The following AGPAT3 variants were observed in gnomAD, a reference collection of about 807,000 sequenced individuals.
AGPAT3 encodes the protein 1-acyl-sn-glycerol-3-phosphate acyltransferase gamma.
In AGPAT3, 5 loss-of-function variants were observed where a neutral mutation model predicts 47.3. That is an observed-to-expected ratio of 0.11 (90% CI 0.06 to 0.22). AGPAT3 has a LOEUF of 0.22. AGPAT3 is among the 10% of genes least tolerant of loss of function. The probability of loss-of-function intolerance (pLI) is 1.00; values close to 1 mark genes in which losing one functional copy is unlikely to be tolerated. For missense variants in AGPAT3, 315 were observed against 493.0 expected (o/e 0.64, Z 3.42); for synonymous variants, 212 against 208.3 (o/e 1.02, Z -0.15).
At chr21:43,953,423 C>T (rs2838448) in intron 2 of AGPAT3, among the ~76,000 whole-genome samples, 6,122 of 152,188 alleles carry the variant, frequency 0.04, 334 homozygotes, top group African/African-American at 0.12. Context: ...GAGGGAGTGC[C>T]GTGACGTAGC....
At chr21:43,929,372 G>A (rs1042082546) in intron 2 of AGPAT3, among the ~76,000 whole-genome samples, 2 of 152,194 alleles carry the variant, frequency 1.3e-5, no homozygotes, top group Admixed American at 6.5e-5. Context: ...TCTGTCAGCC[G>A]CTCCCTGCCA....
chr21:43,886,782 C>A (rs2085988343), intron 1 of AGPAT3, among the ~76,000 whole-genome samples: 1 of 152,172 alleles, frequency 6.6e-6, no homozygotes, highest in South Asian at 2.1e-4. Context: ...GAACCTCATT[C>A]TTTTTTATGG....
intron 2 of AGPAT3, among the ~76,000 whole-genome samples, chr21:43,909,372 C>T (rs866580089): frequency 5.9e-5 from 9 of 151,326 alleles, no homozygotes; most frequent in Non-Finnish European, 8.8e-5. Context: ...CTCGGCTCAC[C>T]GCAAGCTCCG....
intron 1 of AGPAT3, among the ~76,000 whole-genome samples, chr21:43,899,464 G>A (rs1305299295): frequency 2.0e-5 from 3 of 152,158 alleles, no homozygotes; most frequent in Non-Finnish European, 4.4e-5. Context: ...TCACAGATCC[G>A]GCCGGGGATG....
At chr21:43,897,736 G>C (rs1291289248) in intron 1 of AGPAT3, among the ~76,000 whole-genome samples, 1 of 151,994 alleles carries the variant, frequency 6.6e-6, no homozygotes, top group Non-Finnish European at 1.5e-5. Flanking sequence ...TCCTAGACGG[G>C]GTGGCAGCCG....
chr21:43,960,377 G>T (rs1374411464), intron 3 of AGPAT3, among the ~76,000 whole-genome samples: 1 of 152,246 alleles, frequency 6.6e-6, no homozygotes, highest in African/African-American at 2.4e-5. Flanking sequence ...CTGTCATGTG[G>T]ACAGAGACTC....
intron 1 of AGPAT3, among the ~76,000 whole-genome samples, chr21:43,898,979 G>A (rs1167401984): frequency 6.6e-6 from 1 of 152,106 alleles, no homozygotes; most frequent in Non-Finnish European, 1.5e-5. Context: ...GCCTCCCAAA[G>A]TGTTTGGATT....
chr21:43,899,654 C>T (rs1023563615), intron 1 of AGPAT3, among the ~76,000 whole-genome samples: 1 of 152,222 alleles, frequency 6.6e-6, no homozygotes, highest in Non-Finnish European at 1.5e-5. Context: ...CTCTTGCCTT[C>T]CTGCCCTGAG....
rs2087300695 is a variant in AGPAT3 at position 43,932,856 on chromosome 21, G to T, written c.-48-26778G>T. 6.6e-6 allele frequency among the ~76,000 whole-genome samples: 1 copy of T among 152,162 alleles called. No individual in the cohort carries two copies. Among genetic ancestry groups the T allele is most frequent in the African/African-American group, 2.4e-5 (1 of 41,436 alleles). On this transcript the variant is annotated intron_variant, in intron 2 of 9. Transcript: ENST00000291572. This position sits in a 1 kb window ranked among gnomAD's most constrained non-coding sequence, Gnocchi z 5.2. ...GTAGAGATGGGGTTTCACCATGTTG[G>T]CCAGACTGGTCTCGAACTCCTGACC...
intron 8 of AGPAT3, among the ~76,000 whole-genome samples, chr21:43,979,047 C>T (rs1033649898): frequency 6.6e-6 from 1 of 152,102 alleles, no homozygotes; most frequent in African/African-American, 2.4e-5. Flanking sequence ...CCTGTAATCC[C>T]AGCACTTTGG....
chr21:43,881,344 G>C (rs2085850038), intron 1 of AGPAT3, among the ~76,000 whole-genome samples: 1 of 152,192 alleles, frequency 6.6e-6, no homozygotes, highest in Non-Finnish European at 1.5e-5. Flanking sequence ...GAAGGCAAAG[G>C]GTTGGTGAAG....
intron 2 of AGPAT3, among the ~76,000 whole-genome samples, chr21:43,946,515 A>G (rs910797846): frequency 1.3e-5 from 2 of 151,748 alleles, no homozygotes; most frequent in Non-Finnish European, 2.9e-5. Context: ...CAGGAGAATC[A>G]CTTGAATCCA....
intron 2 of AGPAT3, among the ~76,000 whole-genome samples, chr21:43,905,148 A>T (rs7283012): frequency 0.77 from 116,015 of 150,490 alleles, 44,785 homozygotes; most frequent in South Asian, 0.87. Context: ...CTCTTTTTTT[A>T]AAAAAAATAT....
At chr21:43,957,586 A>G (rs1172042423) in intron 2 of AGPAT3, among the ~76,000 whole-genome samples, 1 of 123,240 alleles carries the variant, frequency 8.1e-6, no homozygotes, top group Non-Finnish European at 1.6e-5. Flanking sequence ...CCCCCTCCAC[A>G]CGGGGTTTCC....
At chr21:43,957,069 T>C (rs2088505478) in intron 2 of AGPAT3, among the ~76,000 whole-genome samples, 1 of 152,158 alleles carries the variant, frequency 6.6e-6, no homozygotes, top group Non-Finnish European at 1.5e-5. Context: ...AAGGGCCCAG[T>C]GTCTGGGAGA....
rs548036076 is a variant in AGPAT3 at position 43,895,309 on chromosome 21, A to G, written c.-111-8648A>G. Among the ~76,000 whole-genome samples, 27 of 151,942 alleles carry G rather than the reference A, an allele frequency of 1.8e-4. No homozygotes were observed. The South Asian group carries it at 5.4e-3, about 30-fold the overall frequency. On this transcript the variant is annotated intron_variant, in intron 1 of 9. Transcript: ENST00000291572. ...TTTTTATTAGAGACAGTGTTTCACC[A>G]TGTTGCCCAGGCTGGTCTCTAACTC...
chr21:43,977,940 TG>T, intron 7 of AGPAT3, 105 bp from the exon 8 acceptor site: 3 of 736,210 alleles, frequency 4.1e-6, no homozygotes, highest in South Asian at 1.8e-5. Flanking sequence ...ACAGAAGGAG[TG>T]GGGCCCATAG....
At chr21:43,980,093 CA>C (rs1294286047) in intron 8 of AGPAT3, among the ~76,000 whole-genome samples, 3 of 151,912 alleles carry the variant, frequency 2.0e-5, no homozygotes, top group African/African-American at 7.2e-5. Flanking sequence ...CAAGCCTGGC[CA>C]ACATGGTGAA....
At chr21:43,946,937 A>G (rs2087921335) in intron 2 of AGPAT3, 1 of 152,380 alleles carries the variant, frequency 6.6e-6, no homozygotes, top group Non-Finnish European at 1.5e-5. Context: ...TCCATTGTGC[A>G]GTCATCAGGC....
Sources: gnomAD v4.1 joint callset for allele counts (sites outside exome capture counted in the v4.1 genomes callset) on GRCh38, gnomAD v4.1.1 for gene constraint, Gnocchi (gnomAD v3.1) non-coding constraint, MANE v1.5 for transcripts, NCBI Gene and HGNC (gene_info 2026-07-23, HGNC 2026-07-21) for gene names.